The following ADGRL3 variants were observed in gnomAD, a reference collection of about 807,000 sequenced individuals.
ADGRL3 encodes the protein adhesion G protein-coupled receptor L3, also known as calcium-independent alpha-latrotoxin receptor 3.
A neutral mutation model predicts 153.5 loss-of-function variants in ADGRL3; 62 were observed. The ratio of observed to expected loss-of-function variants is 0.40; its 90% CI spans 0.33 to 0.50. ADGRL3 has a LOEUF of 0.50. Ranked by LOEUF, ADGRL3 falls within the 20% of genes least tolerant of loss-of-function variation. ADGRL3 has a pLI of 0.47. For missense variants in ADGRL3, 1,641 were observed against 1,859.4 expected (o/e 0.88, Z 2.16); for synonymous variants, 710 against 672.5 (o/e 1.06, Z -0.86).
chr4:61,519,611 G>A (rs1264021336), intron 4 of ADGRL3, among the ~76,000 whole-genome samples: 1 of 152,108 alleles, frequency 6.6e-6, no homozygotes, highest in Non-Finnish European at 1.5e-5. Flanking sequence ...TATTATAGGG[G>A]CATAATCTTT....
chr4:61,442,501 G>T (rs2097538374), intron 2 of ADGRL3, among the ~76,000 whole-genome samples: 1 of 152,180 alleles, frequency 6.6e-6, no homozygotes, highest in South Asian at 2.1e-4. Context: ...AAGCTGATCA[G>T]GGAGATCATT....
intron 5 of ADGRL3, among the ~76,000 whole-genome samples, chr4:61,600,331 A>T (rs946760943): frequency 2.0e-5 from 3 of 151,064 alleles, no homozygotes; most frequent in African/African-American, 7.3e-5. Context: ...AAAAAGAGGA[A>T]ATGAATTGGA....
chr4:61,261,211 T>A (rs1207520043), intron 1 of ADGRL3, among the ~76,000 whole-genome samples: 8 of 113,802 alleles, frequency 7.0e-5, no homozygotes, highest in Non-Finnish European at 3.7e-5. Flanking sequence ...TTTTTTTTTT[T>A]AAAGGAGACA....
intron 6 of ADGRL3, among the ~76,000 whole-genome samples, chr4:61,684,956 A>G (rs2095415584): frequency 6.6e-6 from 1 of 151,654 alleles, no homozygotes; most frequent in South Asian, 2.1e-4. Flanking sequence ...TCTTTCACCC[A>G]TGCTGGAGTA....
At chr4:61,215,234 A>G (rs1464409065) in intron 1 of ADGRL3, among the ~76,000 whole-genome samples, 1 of 152,218 alleles carries the variant, frequency 6.6e-6, no homozygotes, top group African/African-American at 2.4e-5. Flanking sequence ...GCACCAGAAC[A>G]TATTTATGGG....
chr4:61,605,823 T>C (rs149703509), intron 5 of ADGRL3, among the ~76,000 whole-genome samples: 70 of 152,284 alleles, frequency 4.6e-4, no homozygotes, highest in African/African-American at 1.6e-3. Context: ...AAGTCCAGGA[T>C]TGACAGCATA....
At chr4:61,230,045 G>T (rs1196752825) in intron 1 of ADGRL3, among the ~76,000 whole-genome samples, 3 of 152,072 alleles carry the variant, frequency 2.0e-5, no homozygotes, top group Non-Finnish European at 4.4e-5. Flanking sequence ...TCTTAAAGCT[G>T]GAATACCATG....
At chr4:61,272,201 G>A (rs2093223797) in intron 1 of ADGRL3, among the ~76,000 whole-genome samples, 1 of 151,778 alleles carries the variant, frequency 6.6e-6, no homozygotes, top group African/African-American at 2.4e-5. Flanking sequence ...GCTCTGTAGT[G>A]CTTCTACAGA....
chr4:62,003,742 C>CAT (rs2099148414), intron 21 of ADGRL3, among the ~76,000 whole-genome samples: 1 of 152,016 alleles, frequency 6.6e-6, no homozygotes, highest in African/African-American at 2.4e-5. Context: ...TTTTGTTTAC[C>CAT]ATATGGTATC....
chr4:61,262,745 T>C (rs958348552), intron 1 of ADGRL3, among the ~76,000 whole-genome samples: 1 of 152,168 alleles, frequency 6.6e-6, no homozygotes, highest in Non-Finnish European at 1.5e-5. Flanking sequence ...TTTGTTCTAC[T>C]TTATACAATT....
At chr4:61,332,599 G>T (rs567742112) in intron 1 of ADGRL3, among the ~76,000 whole-genome samples, 5 of 152,052 alleles carry the variant, frequency 3.3e-5, no homozygotes, top group Admixed American at 6.6e-5. Flanking sequence ...TTTATAGTGT[G>T]TTTTCTCGTG....
chr4:61,856,964 C>CTT (rs1407828996), intron 9 of ADGRL3, among the ~76,000 whole-genome samples: 5 of 79,194 alleles, frequency 6.3e-5, no homozygotes, highest in Non-Finnish European at 9.9e-5. Flanking sequence ...TTCTTTCTTT[C>CTT]TTTCTTTCTT....
At position 62,071,933 on chromosome 4, in the gene ADGRL3, T is replaced by C; in HGVS notation, c.*1025T>C. 3.8e-6 allele frequency: 1 copy of C among 263,586 alleles called. No homozygotes were observed. Among genetic ancestry groups the C allele is most frequent in the South Asian group, 3.9e-5 (1 of 25,964 alleles). 16.3% of individuals were successfully genotyped at this position (263,586 alleles called of 1,614,324 possible). A position where few individuals can be genotyped will look rare whatever the true frequency, so the allele number is the denominator to read the frequency against. ...TGCAGTCAGAATATTTCCAACAGTG[T>C]TTTTTGCAAATTAGAGCAGGACAAA... On this transcript the variant is annotated 3_prime_UTR_variant, in exon 27 of 27. Coordinates refer to ENST00000683033, the MANE Select transcript of ADGRL3 (RefSeq NM_001387552.1).
intron 17 of ADGRL3, among the ~76,000 whole-genome samples, chr4:61,951,021 A>G (rs1450896): frequency 0.92 from 139,789 of 152,230 alleles, 64,765 homozygotes; most frequent in East Asian, 1. Context: ...AACTTATTAG[A>G]ACTGTGGCCA....
chr4:61,202,685 C>G lies in ADGRL3; in HGVS notation c.-240+920C>G, dbSNP rs957034441. 6.6e-6 allele frequency among the ~76,000 whole-genome samples: 1 copy of G among 152,168 alleles called. No individual in the cohort carries two copies. Among genetic ancestry groups the G allele is most frequent in the Non-Finnish European group, 1.5e-5 (1 of 68,028 alleles). Reference sequence around the variant, plus strand: ...CAGCGTCTGAGCTGCCGCGACCCAGCCTCCGGTCCCACGTCGGAGCTCAGA... The same window carrying G: ...CAGCGTCTGAGCTGCCGCGACCCAGGCTCCGGTCCCACGTCGGAGCTCAGA... On this transcript the variant is annotated intron_variant, in intron 1 of 26. Coordinates refer to ENST00000683033, the MANE Select transcript of ADGRL3 (RefSeq NM_001387552.1). This position sits in a 1 kb window ranked among gnomAD's most constrained non-coding sequence, Gnocchi z 5.0.
chr4:61,801,023 A>G (rs912230742), intron 8 of ADGRL3, among the ~76,000 whole-genome samples: 8 of 152,298 alleles, frequency 5.3e-5, no homozygotes, highest in African/African-American at 1.7e-4. Context: ...ATCATTAATA[A>G]GGTCTACTAG....
At chr4:61,316,127 C>T (rs1192362382) in intron 1 of ADGRL3, among the ~76,000 whole-genome samples, 4 of 151,878 alleles carry the variant, frequency 2.6e-5, no homozygotes, top group African/African-American at 9.7e-5. Flanking sequence ...GCACAGAATA[C>T]AGGTACAGAG....
chr4:62,034,206 C>T (rs973001588), intron 23 of ADGRL3, among the ~76,000 whole-genome samples: 1 of 151,596 alleles, frequency 6.6e-6, no homozygotes, highest in Non-Finnish European at 1.5e-5. Flanking sequence ...CATCCAGCTG[C>T]CTTTTATTTT....
At chr4:61,531,184 G>C (rs981120168) in intron 4 of ADGRL3, among the ~76,000 whole-genome samples, 1 of 152,156 alleles carries the variant, frequency 6.6e-6, no homozygotes, top group Admixed American at 6.5e-5. Context: ...AAGAAAATGA[G>C]TGTGTGTGTA....
Sources: gnomAD v4.1 joint callset for allele counts (sites outside exome capture counted in the v4.1 genomes callset) on GRCh38, gnomAD v4.1.1 for gene constraint, Gnocchi (gnomAD v3.1) non-coding constraint, MANE v1.5 for transcripts, NCBI Gene and HGNC (gene_info 2026-07-23, HGNC 2026-07-21) for gene names.